The following CREB5 variants were observed in gnomAD, a reference collection of about 807,000 sequenced individuals.
The protein encoded by CREB5 is cAMP responsive element binding protein 5, also known as cyclic AMP-responsive element-binding protein 5.
A neutral mutation model predicts 57.1 loss-of-function variants in CREB5; 19 were observed. That is an observed-to-expected ratio of 0.33 (90% CI 0.23 to 0.49). The LOEUF (loss-of-function observed/expected upper bound fraction) is 0.49, where lower values mean the gene tolerates loss of function less well. Ranked by LOEUF, CREB5 falls within the 20% of genes least tolerant of loss-of-function variation. The pLI, the probability that CREB5 is intolerant of heterozygous loss-of-function variation, is 0.99. For synonymous variants in CREB5, 238 were observed against 238.3 expected (o/e 1.00, Z 0.01); for missense variants, 579 against 671.6 (o/e 0.86, Z 1.52).
intron 5 of CREB5, among the ~76,000 whole-genome samples, chr7:28,572,741 A>G (rs1447402839): frequency 7.2e-5 from 11 of 152,166 alleles, no homozygotes; most frequent in Admixed American, 6.5e-5. Flanking sequence ...GACTCTGTTG[A>G]TAATTTACCC....
chr7:28,682,325 A>G (rs1326255805), intron 5 of CREB5, among the ~76,000 whole-genome samples: 1 of 152,210 alleles, frequency 6.6e-6, no homozygotes, highest in Non-Finnish European at 1.5e-5. Flanking sequence ...TCCTCTGTCC[A>G]CTGTGAAAAC....
intron 5 of CREB5, among the ~76,000 whole-genome samples, chr7:28,620,643 A>G (rs1409806339): frequency 6.6e-6 from 1 of 152,178 alleles, no homozygotes; most frequent in Non-Finnish European, 1.5e-5. Flanking sequence ...CCTCTTTTCC[A>G]TAACTGGCCT....
At chr7:28,421,729 T>C (rs900574707) in intron 1 of CREB5, among the ~76,000 whole-genome samples, 19 of 149,980 alleles carry the variant, frequency 1.3e-4, no homozygotes, top group Admixed American at 6.7e-5. Context: ...GAAATTTACT[T>C]GATAGCCTTT....
intron 5 of CREB5, among the ~76,000 whole-genome samples, chr7:28,680,723 C>T (rs762013642): frequency 6.6e-6 from 1 of 150,444 alleles, no homozygotes; most frequent in Non-Finnish European, 1.5e-5. Flanking sequence ...CATGCCACTG[C>T]ACTCCAGCCT....
intron 1 of CREB5, among the ~76,000 whole-genome samples, chr7:28,327,911 CA>C (rs1269758536): frequency 6.6e-6 from 1 of 152,050 alleles, no homozygotes; most frequent in African/African-American, 2.4e-5. Flanking sequence ...CTTCCTTTTT[CA>C]AAAAACAAGT....
At chr7:28,521,231 A>G (rs910880658) in intron 4 of CREB5, among the ~76,000 whole-genome samples, 5 of 152,242 alleles carry the variant, frequency 3.3e-5, no homozygotes, top group African/African-American at 1.2e-4. Flanking sequence ...AGCTGAGAAC[A>G]GGAAACATCT....
chr7:28,364,476 A>G (rs147946045), intron 1 of CREB5, among the ~76,000 whole-genome samples: 38 of 152,352 alleles, frequency 2.5e-4, no homozygotes, highest in Non-Finnish European at 4.7e-4. Flanking sequence ...TCAGGACTTT[A>G]GAATGCACTG....
At chr7:28,308,235 A>G (rs1255385750) in intron 1 of CREB5, among the ~76,000 whole-genome samples, 1 of 152,216 alleles carries the variant, frequency 6.6e-6, no homozygotes, top group Non-Finnish European at 1.5e-5. Flanking sequence ...ATGGGACTGA[A>G]ATATAAGACA....
At chr7:28,561,919 A>G (rs2128643383) in intron 4 of CREB5, among the ~76,000 whole-genome samples, 1 of 152,064 alleles carries the variant, frequency 6.6e-6, no homozygotes, top group East Asian at 1.9e-4. Flanking sequence ...TAATTTTTGT[A>G]TTTTTTAGTA....
chr7:28,586,999 G>T (rs538515103), intron 5 of CREB5, among the ~76,000 whole-genome samples: 12 of 152,304 alleles, frequency 7.9e-5, no homozygotes, highest in African/African-American at 2.9e-4. Context: ...TGGTCCAGCC[G>T]TTGCTTCTGG....
At chr7:28,632,412 G>A (rs1469819187) in intron 5 of CREB5, among the ~76,000 whole-genome samples, 1 of 152,214 alleles carries the variant, frequency 6.6e-6, no homozygotes, top group Non-Finnish European at 1.5e-5. Flanking sequence ...AGGAAGAGAT[G>A]TCAGGAAAGG....
At chr7:28,649,012 C>T (rs1799020661) in intron 5 of CREB5, among the ~76,000 whole-genome samples, 2 of 152,112 alleles carry the variant, frequency 1.3e-5, no homozygotes, top group Non-Finnish European at 2.9e-5. Context: ...GCAGTTACAC[C>T]CCACCAGAGA....
chr7:28,560,887 C>CGCGTGTGT (rs1554344396), intron 4 of CREB5, among the ~76,000 whole-genome samples: 1 of 13,122 alleles, frequency 7.6e-5, no homozygotes, highest in African/African-American at 3.5e-4. Context: ...TGCGTGCGTG[C>CGCGTGTGT]GTGTGTGTGC....
At chr7:28,767,509 C>T (rs1806069382) in intron 7 of CREB5, among the ~76,000 whole-genome samples, 1 of 152,130 alleles carries the variant, frequency 6.6e-6, no homozygotes, top group Admixed American at 6.6e-5. Context: ...AGAGATGTTG[C>T]AAAATAACCA....
intron 5 of CREB5, among the ~76,000 whole-genome samples, chr7:28,658,001 G>A (rs995500771): frequency 6.6e-6 from 1 of 152,162 alleles, no homozygotes; most frequent in African/African-American, 2.4e-5. Context: ...TCACTGAGCA[G>A]GCACATTATA....
intron 5 of CREB5, among the ~76,000 whole-genome samples, chr7:28,607,166 A>G (rs968582135): frequency 8.5e-5 from 13 of 152,134 alleles, no homozygotes; most frequent in African/African-American, 3.1e-4. Flanking sequence ...TATGAGATCA[A>G]CTAAAAGTTG....
chr7:28,431,501 G>A (rs1253252363), intron 1 of CREB5, among the ~76,000 whole-genome samples: 1 of 152,110 alleles, frequency 6.6e-6, no homozygotes, highest in Non-Finnish European at 1.5e-5. Flanking sequence ...TCTTTTGCTT[G>A]TGGCACTGGC....
intron 3 of CREB5, among the ~76,000 whole-genome samples, chr7:28,502,284 G>C (rs1792306020): frequency 6.6e-6 from 1 of 152,126 alleles, no homozygotes; most frequent in Non-Finnish European, 1.5e-5. Context: ...TTCATTTAAT[G>C]TAAATTTTCT....
chr7:28,349,613 G>A (rs879831791), intron 1 of CREB5, among the ~76,000 whole-genome samples: 11 of 151,984 alleles, frequency 7.2e-5, no homozygotes, highest in Non-Finnish European at 1.5e-4. Flanking sequence ...GACCACCATC[G>A]GCCCATACAA....
Sources: allele counts gnomAD v4.1 joint callset (sites outside exome capture counted in the v4.1 genomes callset), GRCh38; gene constraint gnomAD v4.1.1; transcripts MANE v1.5; gene names NCBI Gene and HGNC (gene_info 2026-07-23, HGNC 2026-07-21).